ADAM7: variants seen among roughly 807,000 people sequenced by gnomAD.
ADAM7 encodes the protein ADAM metallopeptidase domain 7.
A neutral mutation model predicts 102.9 loss-of-function variants in ADAM7; 97 were observed. The ratio of observed to expected loss-of-function variants is 0.94; its 90% CI spans 0.80 to 1.12. ADAM7 has a LOEUF of 1.12. Ranked by LOEUF, ADAM7 falls within the 50% of genes most tolerant of loss-of-function variation. The probability of loss-of-function intolerance (pLI) is 0.00; values close to 1 mark genes in which losing one functional copy is unlikely to be tolerated. For missense variants in ADAM7, 991 were observed against 908.7 expected (o/e 1.09, Z -1.16); for synonymous variants, 334 against 304.4 (o/e 1.10, Z -1.01).
At chr8:24,472,315 T>A (rs1287428232) in intron 7 of ADAM7, among the ~76,000 whole-genome samples, 1 of 151,982 alleles carries the variant, frequency 6.6e-6, no homozygotes, top group Admixed American at 6.6e-5. Flanking sequence ...TTTTTTCATG[T>A]ACAAATAACA....
intron 7 of ADAM7, among the ~76,000 whole-genome samples, chr8:24,476,151 T>G (rs959410542): frequency 1.3e-5 from 2 of 152,106 alleles, no homozygotes; most frequent in African/African-American, 4.8e-5. Context: ...GTTTAATAAA[T>G]TAATGCAATG....
chr8:24,456,654 G>A (rs1047079172), intron 3 of ADAM7, among the ~76,000 whole-genome samples: 12 of 140,360 alleles, frequency 8.5e-5, no homozygotes, highest in Admixed American at 2.2e-4. Context: ...TTTTTTTGCC[G>A]TAGATTACAT....
chr8:24,459,853 T>A (rs1216361768), intron 3 of ADAM7, among the ~76,000 whole-genome samples: 1 of 152,158 alleles, frequency 6.6e-6, no homozygotes, highest in Admixed American at 6.6e-5. Flanking sequence ...TTATTATTCT[T>A]ATTGAGTGTT....
chr8:24,461,396 C>T (rs1036991210), intron 3 of ADAM7, among the ~76,000 whole-genome samples: 1 of 152,092 alleles, frequency 6.6e-6, no homozygotes, highest in Non-Finnish European at 1.5e-5. Flanking sequence ...TTTCTGTTCC[C>T]CAGTATGTGT....
At chr8:24,467,236 G>C (rs1215793699) in intron 6 of ADAM7, 2 of 504,194 alleles carry the variant, frequency 4.0e-6, no homozygotes, top group African/African-American at 3.9e-5. Context: ...TAACATTGGG[G>C]CTATGAGTAG....
At chr8:24,457,310 C>T (rs11781772) in intron 3 of ADAM7, among the ~76,000 whole-genome samples, 6,661 of 151,838 alleles carry the variant, frequency 0.044, 205 homozygotes, top group African/African-American at 0.059. Flanking sequence ...TTTCCTCACT[C>T]TGTCATCTAG....
intron 7 of ADAM7, among the ~76,000 whole-genome samples, chr8:24,475,085 G>T (rs1007941988): frequency 1.3e-5 from 2 of 152,146 alleles, no homozygotes; most frequent in African/African-American, 2.4e-5. Context: ...CTGACAGCTA[G>T]CAAGTTGAAA....
At chr8:24,476,074 T>C in intron 7 of ADAM7, 1 of 410,404 alleles carries the variant, frequency 2.4e-6, no homozygotes, top group South Asian at 1.8e-5. Flanking sequence ...ATAGATTGCT[T>C]TGTAGCTTTA....
chr8:24,505,057 G>A (rs1351389696), intron 20 of ADAM7, among the ~76,000 whole-genome samples: 3 of 152,092 alleles, frequency 2.0e-5, no homozygotes, highest in East Asian at 1.9e-4. Context: ...AGGTTTAAAT[G>A]AGAAATTGTA....
rs183781465 is a variant in ADAM7 at position 24,486,009 on chromosome 8, T to G, written c.960+648T>G. On this transcript the variant is annotated intron_variant, in intron 10 of 21. Coordinates refer to ENST00000175238, the MANE Select transcript of ADAM7 (RefSeq NM_003817.4). ...TACTTATTTAAATGACCACATGACT[T>G]ACTTATTATATAGTTATTTTGTGTG... Among the ~76,000 whole-genome samples, 40 of 152,336 alleles carry G rather than the reference T, an allele frequency of 2.6e-4. No homozygotes were observed. The East Asian group carries it at 6.7e-3, about 26-fold the overall frequency.
intron 15 of ADAM7, 38 bp downstream of exon 15, chr8:24,492,635 A>G (rs377232525): frequency 2.7e-4 from 399 of 1,490,120 alleles, no homozygotes; most frequent in Non-Finnish European, 3.7e-5. Flanking sequence ...TTGCCTTCTT[A>G]CAGCACTTTG....
intron 3 of ADAM7, among the ~76,000 whole-genome samples, chr8:24,459,193 A>C (rs938402022): frequency 6.6e-6 from 1 of 151,990 alleles, no homozygotes; most frequent in Admixed American, 6.6e-5. Flanking sequence ...AAGTTTACTT[A>C]TAAGGGGTTA....
chr8:24,501,525 T>C lies in ADAM7; in HGVS notation c.2157T>C (p.Asp719=). The C allele has an allele frequency of 1.2e-6, 2 of 1,609,250 alleles. No individual in the cohort carries two copies. The highest frequency in any genetic ancestry group is 1.3e-5 in the African/African-American group (1 of 74,684). Residue 719 remains aspartate (D), a synonymous_variant, in exon 20 of 22, where the codon GAT becomes GAC. Transcript: ENST00000175238. The part of the protein sequence containing the change: ...LGVENKGYFG[D]EQQIRTEPIL... ...TGGAGAACAAAGGATACTTTGGTGA[T>C]GAGCAGCAGATAAGGACTGAGCCAA...
intron 3 of ADAM7, among the ~76,000 whole-genome samples, chr8:24,458,265 A>G (rs1050364572): frequency 6.6e-6 from 1 of 152,196 alleles, no homozygotes; most frequent in African/African-American, 2.4e-5. Context: ...GACTCTATAG[A>G]TAAGTTTGGA....
chr8:24,453,226 G>A (rs1321162044), intron 3 of ADAM7, among the ~76,000 whole-genome samples: 1 of 152,118 alleles, frequency 6.6e-6, no homozygotes, highest in Non-Finnish European at 1.5e-5. Context: ...AGTTCTCCTG[G>A]ATAATATCTT....
chr8:24,463,829 T>C, intron 3 of ADAM7, 53 bp from the exon 4 acceptor site: 7 of 1,439,362 alleles, frequency 4.9e-6, no homozygotes, highest in African/African-American at 4.2e-5. Context: ...AGGTTTTATC[T>C]GTCAGGTTTT....
chr8:24,445,229 A>G (rs140113291), intron 2 of ADAM7, among the ~76,000 whole-genome samples: 160 of 152,220 alleles, frequency 1.1e-3, no homozygotes, highest in African/African-American at 3.7e-3. Flanking sequence ...GCAAAATGTG[A>G]CCAAACCCTT....
At chr8:24,493,011 T>A in intron 15 of ADAM7, 32 bp from the exon 16 acceptor site, 1 of 1,538,982 alleles carries the variant, frequency 6.5e-7, no homozygotes, top group Non-Finnish European at 8.7e-7. Flanking sequence ...GTATTTCTAG[T>A]TCCAAGTTTG....
chr8:24,444,743 G>A (rs575064112), intron 2 of ADAM7, among the ~76,000 whole-genome samples: 10 of 151,430 alleles, frequency 6.6e-5, no homozygotes, highest in African/African-American at 2.4e-4. Context: ...GGAGGCTAAG[G>A]AGACCTGACA....
Sources: gnomAD v4.1 joint callset for allele counts (sites outside exome capture counted in the v4.1 genomes callset) on GRCh38, gnomAD v4.1.1 for gene constraint, MANE v1.5 for transcripts, NCBI Gene and HGNC (gene_info 2026-07-23, HGNC 2026-07-21) for gene names.